The following HHLA1 variants were observed in gnomAD, a reference collection of about 807,000 sequenced individuals.
HHLA1 encodes HERV-H LTR-associating protein 1.
HHLA1 carries 72 observed loss-of-function variants against 69.9 expected under a neutral mutation model. The ratio of observed to expected loss-of-function variants is 1.03; its 90% CI spans 0.85 to 1.25. HHLA1 has a LOEUF of 1.25. Among genes scored for constraint, HHLA1 ranks in the 50% most tolerant of loss-of-function variants. The pLI is 0.00. For missense variants in HHLA1, 685 were observed against 642.2 expected (o/e 1.07, Z -0.72); for synonymous variants, 252 against 233.2 (o/e 1.08, Z -0.73).
At chr8:132,097,266 C>T (rs769980784) in intron 5 of HHLA1, among the ~76,000 whole-genome samples, 10 of 152,136 alleles carry the variant, frequency 6.6e-5, no homozygotes, top group Non-Finnish European at 1.2e-4. Context: ...ATTTGGGCCC[C>T]TTCAAAGATC....
intron 10 of HHLA1, among the ~76,000 whole-genome samples, chr8:132,082,811 T>C (rs1228201188): frequency 2.6e-5 from 4 of 152,100 alleles, no homozygotes; most frequent in Admixed American, 2.0e-4. Flanking sequence ...GGCAAAACAA[T>C]TTCGTTGATA....
intron 10 of HHLA1, among the ~76,000 whole-genome samples, chr8:132,082,488 G>A (rs1044321206): frequency 1.4e-4 from 21 of 152,012 alleles, no homozygotes; most frequent in African/African-American, 2.2e-4. Flanking sequence ...GAGATCAGTC[G>A]GACATGATTG....
chr8:132,062,316 G>A lies in HHLA1; in HGVS notation c.*1679C>T, dbSNP rs953972430. On this transcript the variant is annotated 3_prime_UTR_variant, in exon 17 of 17. Transcript: ENST00000414222. ...AATAAAAAGAAATCTTTCTGCATAT[G>A]ATTAGAAAGAGAAATGTCTGGCTGC... 3.3e-5 allele frequency: 5 copies of A among 152,154 alleles called. No homozygotes were observed. The highest frequency in any genetic ancestry group is 2.0e-4 in the Admixed American group (3 of 15,276). The allele number at this position is 152,154 out of a possible 1,614,324, so 9.4% of individuals were successfully genotyped here.
intron 10 of HHLA1, among the ~76,000 whole-genome samples, chr8:132,082,188 A>G (rs912750151): frequency 1.3e-5 from 2 of 152,322 alleles, no homozygotes; most frequent in Middle Eastern, 3.4e-3. Context: ...AGGAGCCAGG[A>G]AGCAGAAAGT....
chr8:132,107,191 T>A (rs1824215576), intron 1 of HHLA1, among the ~76,000 whole-genome samples: 1 of 152,192 alleles, frequency 6.6e-6, no homozygotes, highest in Admixed American at 6.5e-5. Flanking sequence ...AGAAAAACAA[T>A]TATTTACATT....
intron 10 of HHLA1, chr8:132,080,434 T>TG (rs1176791570): frequency 7.0e-6 from 2 of 284,974 alleles, no homozygotes; most frequent in Non-Finnish European, 1.3e-5. Flanking sequence ...CGGGCAGGAG[T>TG]GGGGGTCTCA....
intron 7 of HHLA1, 42 bp from the exon 8 acceptor site, chr8:132,089,641 A>G: frequency 1.1e-6 from 1 of 946,618 alleles, no homozygotes. Flanking sequence ...TGCTTCAGAG[A>G]CAAAAGGAGA....
In HHLA1 at chr8:132,098,173, G is replaced by A. The variant is rs71526233; in HGVS notation, c.280+709C>T. 6.3e-3 allele frequency among the ~76,000 whole-genome samples: 952 copies of A among 152,264 alleles called. 3 individuals carry two copies. The highest frequency in any genetic ancestry group is 0.02 in the Middle Eastern group (6 of 294). On this transcript the variant is annotated intron_variant, in intron 5 of 16. Coordinates refer to ENST00000414222, the MANE Select transcript of HHLA1 (RefSeq NM_001145095.3). ...GAGAATAAATAGTGAAGGCAGTGAG[G>A]AATGTACACTAGGGATCATTCAGGC...
At chr8:132,067,781 G>A (rs1823467099) in intron 15 of HHLA1, among the ~76,000 whole-genome samples, 1 of 152,222 alleles carries the variant, frequency 6.6e-6, no homozygotes, top group South Asian at 2.1e-4. Flanking sequence ...TGCTCCTGGA[G>A]TTGTGCAACA....
At chr8:132,095,676 C>G (rs751430784) in intron 6 of HHLA1, 27 bp downstream of exon 6, 90 of 1,543,308 alleles carry the variant, frequency 5.8e-5, no homozygotes, top group Non-Finnish European at 7.8e-5. Flanking sequence ...CCACCACCAC[C>G]ATCAAGAAGA....
At chr8:132,093,836 A>G (rs1409412763) in intron 7 of HHLA1, among the ~76,000 whole-genome samples, 1 of 152,220 alleles carries the variant, frequency 6.6e-6, no homozygotes, top group African/African-American at 2.4e-5. Flanking sequence ...ATGATTATGA[A>G]GAATTTTTTT....
chr8:132,107,287 T>C (rs1824217229), intron 1 of HHLA1, among the ~76,000 whole-genome samples: 1 of 152,206 alleles, frequency 6.6e-6, no homozygotes, highest in African/African-American at 2.4e-5. Flanking sequence ...GTAAACATTC[T>C]AAGATTTATT....
intron 3 of HHLA1, among the ~76,000 whole-genome samples, chr8:132,102,101 T>C (rs781181165): frequency 3.3e-5 from 5 of 152,200 alleles, no homozygotes; most frequent in African/African-American, 4.8e-5. Context: ...GCAGTGTTTG[T>C]TCTTCTGTGA....
At chr8:132,068,152 C>G (rs937687112) in intron 15 of HHLA1, among the ~76,000 whole-genome samples, 1 of 152,188 alleles carries the variant, frequency 6.6e-6, no homozygotes, top group Non-Finnish European at 1.5e-5. Context: ...CAACATCATC[C>G]AAACTAAGGT....
intron 16 of HHLA1, among the ~76,000 whole-genome samples, chr8:132,064,991 GA>G (rs1191621585): frequency 6.6e-6 from 1 of 152,168 alleles, no homozygotes; most frequent in Non-Finnish European, 1.5e-5. Flanking sequence ...GTTACAGTAA[GA>G]AGGGATTTTC....
Position 132,065,956 on chromosome 8 carries a change from T to A in HHLA1, c.1482A>T (p.Glu494Asp), listed in dbSNP as rs1333218903. ...CATTCTTCAGAAACCAGGAATAGTA[T>A]TCAAGACAGTATCTAAAGATTTAAA... ...PRTEDMRYCL[E>D]YYSWFLKNAT... The change falls in exon 16 of 17, where the codon GAA (glutamate) becomes GAT (aspartate). Residue 494 changes from glutamate (E) to aspartate (D), a missense_variant. By Grantham distance (45) the Glu-to-Asp change is conservative (BLOSUM62 2). Transcript: ENST00000414222. 5 of 1,292,008 alleles carry A rather than the reference T, an allele frequency of 3.9e-6. No individual in the cohort carries two copies. Among genetic ancestry groups the A allele is most frequent in the Middle Eastern group, 2.1e-4 (1 of 4,692 alleles). 80.0% of individuals were successfully genotyped at this position (1,292,008 alleles called of 1,614,324 possible). A position where few individuals can be genotyped will look rare whatever the true frequency, so the allele number is the denominator to read the frequency against.
rs919171937 is a variant in HHLA1 at position 132,100,058 on chromosome 8, G to A, written c.199+17C>T. On this transcript the variant is annotated intron_variant, in intron 4 of 16. Coordinates refer to ENST00000414222, the MANE Select transcript of HHLA1 (RefSeq NM_001145095.3). Reference sequence around the variant, plus strand: ...GCAACCCAGACAACCCAAGGGATTTGGGGGAGCGGCACTCACCCGTCGTAG... The same window carrying A: ...GCAACCCAGACAACCCAAGGGATTTAGGGGAGCGGCACTCACCCGTCGTAG... The A allele has an allele frequency of 8.4e-6, 13 of 1,548,544 alleles. No homozygotes were observed. The highest frequency in any genetic ancestry group is 1.0e-5 in the Non-Finnish European group (12 of 1,144,256).
chr8:132,065,919 A>G lies in HHLA1; in HGVS notation c.1519T>C (p.Cys507Arg), dbSNP rs1823430189. 2 of 1,303,186 alleles carry G rather than the reference A, an allele frequency of 1.5e-6. No individual in the cohort carries two copies. The highest frequency in any genetic ancestry group is 2.0e-6 in the Non-Finnish European group (2 of 987,004). The allele number at this position is 1,303,186 out of a possible 1,614,324, so 80.7% of individuals were successfully genotyped here. A position where few individuals can be genotyped will look rare whatever the true frequency, so the allele number is the denominator to read the frequency against. The change falls in exon 16 of 17, where the codon TGT (cysteine) becomes CGT (arginine). Residue 507 changes from cysteine to arginine, a missense_variant. Physicochemically the swap from Cys to Arg is radical, Grantham distance 180. Coordinates refer to ENST00000414222, the MANE Select transcript of HHLA1 (RefSeq NM_001145095.3). Reference sequence around the variant, plus strand: ...TGGGACACCCTTTTCACCCTCTGACAGATATATGTTGCATTCTTCAGAAAC... The same window carrying G: ...TGGGACACCCTTTTCACCCTCTGACGGATATATGTTGCATTCTTCAGAAAC... ...SWFLKNATYI[C>R]QRVKRVSHSH...
intron 5 of HHLA1, among the ~76,000 whole-genome samples, chr8:132,098,312 T>C (rs914730278): frequency 4.6e-5 from 7 of 152,220 alleles, no homozygotes. Flanking sequence ...CAGAATCATA[T>C]TAACTTAATC....
Sources: gnomAD v4.1 joint callset for allele counts (sites outside exome capture counted in the v4.1 genomes callset) on GRCh38, gnomAD v4.1.1 for gene constraint, MANE v1.5 for transcripts, NCBI Gene and HGNC (gene_info 2026-07-23, HGNC 2026-07-21) for gene names.